The following PRKN variants were observed in gnomAD, a reference collection of about 807,000 sequenced individuals.
PRKN encodes E3 ubiquitin-protein ligase parkin.
PRKN carries 56 observed loss-of-function variants against 59.5 expected under a neutral mutation model. The ratio of observed to expected loss-of-function variants is 0.94; its 90% CI spans 0.76 to 1.18. The LOEUF is 1.18. PRKN is among the 50% of genes most tolerant of loss of function. The pLI, the probability that PRKN is intolerant of heterozygous loss-of-function variation, is 0.00. For missense variants in PRKN, 657 were observed against 596.4 expected, an observed-to-expected ratio of 1.10 and a Z score of -1.06; for synonymous variants, 250 against 222.1, an observed-to-expected ratio of 1.13 and a Z score of -1.12.
chr6:161,745,890 C>T (rs894049858), intron 7 of PRKN, among the ~76,000 whole-genome samples: 1 of 152,194 alleles, frequency 6.6e-6, no homozygotes, highest in African/African-American at 2.4e-5. Context: ...AAGCTAAGAA[C>T]AGATTATTTT....
intron 7 of PRKN, among the ~76,000 whole-genome samples, chr6:161,608,953 T>C (rs1354009345): frequency 6.6e-6 from 1 of 152,204 alleles, no homozygotes; most frequent in African/African-American, 2.4e-5. Flanking sequence ...GTTGTCACAG[T>C]TGTCATTGCC....
chr6:162,084,814 T>C (rs1009403430), intron 4 of PRKN, among the ~76,000 whole-genome samples: 4 of 151,890 alleles, frequency 2.6e-5, no homozygotes, highest in African/African-American at 4.8e-5. Flanking sequence ...GCAATTATGA[T>C]CCAAGCAAAG....
At chr6:161,906,496 C>G (rs535290910) in intron 6 of PRKN, among the ~76,000 whole-genome samples, 1 of 151,938 alleles carries the variant, frequency 6.6e-6, no homozygotes, top group Non-Finnish European at 1.5e-5. Context: ...AGAAGCCACT[C>G]GACTCTGGGA....
At chr6:161,408,396 G>A (rs10945750) in intron 9 of PRKN, among the ~76,000 whole-genome samples, 20,638 of 147,150 alleles carry the variant, frequency 0.14, 1,550 homozygotes, top group Admixed American at 0.18. Context: ...GCGTATACAT[G>A]TAAAACGTAT....
chr6:161,763,571 T>C (rs551756903), intron 7 of PRKN, among the ~76,000 whole-genome samples: 1 of 152,160 alleles, frequency 6.6e-6, no homozygotes, highest in East Asian at 1.9e-4. Context: ...TGTGCATCTG[T>C]TTCTGTCTCT....
chr6:162,596,199 GC>G (rs928325181), intron 1 of PRKN, among the ~76,000 whole-genome samples: 1 of 152,098 alleles, frequency 6.6e-6, no homozygotes, highest in African/African-American at 2.4e-5. Flanking sequence ...CTTATTATCT[GC>G]CCCCTTCCCG....
chr6:161,883,042 C>A (rs9365336), intron 6 of PRKN, among the ~76,000 whole-genome samples: 38,190 of 108,256 alleles, frequency 0.35, 5,493 homozygotes, highest in African/African-American at 0.53. Context: ...CAAAAAAAAA[C>A]CAAAAAAACT....
intron 4 of PRKN, among the ~76,000 whole-genome samples, chr6:162,194,114 T>G (rs188648853): frequency 1.3e-5 from 2 of 152,190 alleles, no homozygotes; most frequent in Middle Eastern, 3.2e-3. Flanking sequence ...AGTTCCCATA[T>G]GGAATTTTGA....
intron 4 of PRKN, among the ~76,000 whole-genome samples, chr6:162,154,203 C>T (rs758988883): frequency 3.3e-5 from 5 of 152,118 alleles, no homozygotes; most frequent in African/African-American, 4.8e-5. Flanking sequence ...TGAAGACACC[C>T]GCATCGCCTC....
At chr6:162,469,345 GTTGC>G (rs1554331584) in intron 1 of PRKN, among the ~76,000 whole-genome samples, 5 of 140,222 alleles carry the variant, frequency 3.6e-5, no homozygotes, top group African/African-American at 5.2e-5. Flanking sequence ...AAGTGGGGGG[GTTGC>G]AGGGGGGGGT....
intron 1 of PRKN, among the ~76,000 whole-genome samples, chr6:162,547,555 G>A (rs997729085): frequency 2.1e-4 from 29 of 138,480 alleles, no homozygotes; most frequent in African/African-American, 6.3e-4. Flanking sequence ...ATTAAGCAGC[G>A]CTCCCAATGT....
rs986827722 is a variant in PRKN at position 161,365,531 on chromosome 6, G to T, written c.1168-5326C>A. The stretch of plus-strand genomic sequence containing the variant: ...TCCTGCCTGTCAATAGCACATTACT[G>T]GAGAGGAATTACAAACTGGAAAATT... On this transcript the variant is annotated intron_variant, in intron 10 of 11. Coordinates refer to ENST00000366898, the MANE Select transcript of PRKN (RefSeq NM_004562.3). Among the ~76,000 whole-genome samples the T allele has an allele frequency of 1.3e-4, 20 of 152,166 alleles. 1 individual carries two copies. The highest frequency in any genetic ancestry group is 2.5e-4 in the Non-Finnish European group (17 of 68,040).
chr6:162,537,031 A>G (rs1360856833), intron 1 of PRKN, among the ~76,000 whole-genome samples: 1 of 152,208 alleles, frequency 6.6e-6, no homozygotes, highest in Non-Finnish European at 1.5e-5. Context: ...ACTTTTAAAA[A>G]TTTACTTCGA....
chr6:162,417,342 G>A (rs1053133999), intron 2 of PRKN, among the ~76,000 whole-genome samples: 1 of 152,102 alleles, frequency 6.6e-6, no homozygotes, highest in African/African-American at 2.4e-5. Flanking sequence ...TGTGAGCTAG[G>A]GGTCGCTGCC....
intron 1 of PRKN, among the ~76,000 whole-genome samples, chr6:162,682,042 T>C (rs1779791693): frequency 6.6e-6 from 1 of 152,152 alleles, no homozygotes; most frequent in South Asian, 2.1e-4. Context: ...TGACTATACA[T>C]ATTCATATAC....
chr6:162,632,279 G>A (rs1248220947), intron 1 of PRKN, among the ~76,000 whole-genome samples: 4 of 152,072 alleles, frequency 2.6e-5, no homozygotes, highest in Admixed American at 2.0e-4. Context: ...ATAGTAGACT[G>A]GATAAAGAAA....
intron 7 of PRKN, among the ~76,000 whole-genome samples, chr6:161,633,040 C>A (rs889977497): frequency 4.6e-5 from 7 of 152,162 alleles, no homozygotes; most frequent in Admixed American, 4.6e-4. Flanking sequence ...AATTAAATTT[C>A]TATTCCAGGC....
At chr6:161,959,295 C>G (rs370347028) in intron 6 of PRKN, among the ~76,000 whole-genome samples, 1 of 152,146 alleles carries the variant, frequency 6.6e-6, no homozygotes, top group East Asian at 1.9e-4. Context: ...GGCAGCCGCA[C>G]CGAGAGGCTG....
intron 7 of PRKN, among the ~76,000 whole-genome samples, chr6:161,610,699 G>A (rs944081154): frequency 6.6e-6 from 1 of 152,090 alleles, no homozygotes; most frequent in Non-Finnish European, 1.5e-5. Context: ...TGGGGCCAGG[G>A]TGGTCCAGGG....
Sources: gnomAD v4.1 joint callset for allele counts (sites outside exome capture counted in the v4.1 genomes callset) on GRCh38, gnomAD v4.1.1 for gene constraint, MANE v1.5 for transcripts, NCBI Gene and HGNC (gene_info 2026-07-23, HGNC 2026-07-21) for gene names.